The following FLT1 variants were observed in gnomAD, a reference collection of about 807,000 sequenced individuals.
The protein encoded by FLT1 is fms related receptor tyrosine kinase 1, also known as vascular endothelial growth factor receptor 1.
In FLT1, 49 loss-of-function variants were observed where a neutral mutation model predicts 156.3. The observed-to-expected ratio is 0.31, with a 90% CI of 0.25 to 0.40. The LOEUF is 0.40. Among genes scored for constraint, FLT1 ranks in the 10% least tolerant of loss-of-function variants. The pLI, the probability that FLT1 is intolerant of heterozygous loss-of-function variation, is 1.00. For missense variants in FLT1, 1,322 were observed against 1,637.2 expected (o/e 0.81, Z 3.32); for synonymous variants, 594 against 583.8 (o/e 1.02, Z -0.25).
At chr13:28,380,944 T>C (rs1924453) in intron 14 of FLT1, among the ~76,000 whole-genome samples, 11,271 of 151,990 alleles carry the variant, frequency 0.074, 455 homozygotes, top group South Asian at 0.13. Context: ...GCTCCGAGAG[T>C]AAGGAATAAT....
intron 14 of FLT1, among the ~76,000 whole-genome samples, chr13:28,373,885 T>C (rs2137433000): frequency 6.6e-6 from 1 of 152,308 alleles, no homozygotes; most frequent in Non-Finnish European, 1.5e-5. Flanking sequence ...CTCTTCTCTT[T>C]GTTTTTCTTC....
intron 12 of FLT1, among the ~76,000 whole-genome samples, chr13:28,391,281 G>A (rs1024830676): frequency 6.6e-6 from 1 of 152,150 alleles, no homozygotes; most frequent in Non-Finnish European, 1.5e-5. Flanking sequence ...AAGAAAATAA[G>A]TCTTGGGACC....
intron 3 of FLT1, among the ~76,000 whole-genome samples, chr13:28,442,979 G>T (rs1389740720): frequency 6.6e-6 from 1 of 152,172 alleles, no homozygotes; most frequent in Non-Finnish European, 1.5e-5. Flanking sequence ...AGCCAGCACT[G>T]CAGAGTGATT....
intron 15 of FLT1, among the ~76,000 whole-genome samples, chr13:28,354,097 A>T (rs1382792618): frequency 6.6e-6 from 1 of 152,178 alleles, no homozygotes; most frequent in Non-Finnish European, 1.5e-5. Context: ...TAAAGTCTAA[A>T]TCTAGGGAAT....
intron 15 of FLT1, among the ~76,000 whole-genome samples, chr13:28,349,636 C>T (rs369878175): frequency 4.6e-5 from 7 of 152,294 alleles, no homozygotes; most frequent in African/African-American, 1.7e-4. Context: ...AGATGCTTCC[C>T]GCATGGAATG....
At chr13:28,337,419 G>A (rs1469267259) in intron 17 of FLT1, among the ~76,000 whole-genome samples, 2 of 152,166 alleles carry the variant, frequency 1.3e-5, no homozygotes, top group Non-Finnish European at 2.9e-5. Context: ...ATTTTCAGTT[G>A]CTAGACATTA....
intron 10 of FLT1, among the ~76,000 whole-genome samples, chr13:28,409,192 A>C (rs1249533399): frequency 6.6e-6 from 1 of 151,972 alleles, no homozygotes; most frequent in Non-Finnish European, 1.5e-5. Context: ...ACTGACCTAC[A>C]TGCTTTGGGT....
chr13:28,488,060 T>C (rs549226837), intron 1 of FLT1, among the ~76,000 whole-genome samples: 1 of 151,778 alleles, frequency 6.6e-6, no homozygotes, highest in Admixed American at 6.6e-5. Context: ...CCAGGTCTAG[T>C]CCCTTAGTCA....
chr13:28,356,423 GA>G (rs1219113540), intron 15 of FLT1, among the ~76,000 whole-genome samples: 1 of 152,196 alleles, frequency 6.6e-6, no homozygotes, highest in East Asian at 1.9e-4. Context: ...GCAGAAAAGT[GA>G]ACATAATATT....
intron 6 of FLT1, among the ~76,000 whole-genome samples, chr13:28,431,548 A>G (rs1427942327): frequency 1.3e-5 from 2 of 152,196 alleles, no homozygotes; most frequent in African/African-American, 4.8e-5. Context: ...ACACTTTCAC[A>G]TATACTATCT....
rs539377793 is a variant in FLT1, at chr13:28,348,584, T to C, written c.2249-3033A>G. On this transcript the variant is annotated intron_variant, in intron 15 of 29. Transcript: ENST00000282397. Reference sequence around the variant, plus strand: ...ATGAATGTATATATATGTTTTGCTTTACCTACCTCTAAAGAGTTTCATGAG... The same window carrying C: ...ATGAATGTATATATATGTTTTGCTTCACCTACCTCTAAAGAGTTTCATGAG... 1.4e-3 allele frequency among the ~76,000 whole-genome samples: 214 copies of C among 152,072 alleles called. 1 individual carries two copies. Among genetic ancestry groups the C allele is most frequent in the African/African-American group, 4.9e-3 (204 of 41,370 alleles).
intron 3 of FLT1, among the ~76,000 whole-genome samples, chr13:28,456,582 G>A (rs1203463352): frequency 6.6e-6 from 1 of 152,082 alleles, no homozygotes; most frequent in Admixed American, 6.5e-5. Context: ...TGGATCACGA[G>A]GTCAGGAGCT....
chr13:28,373,581 A>G (rs1217332292), intron 14 of FLT1, among the ~76,000 whole-genome samples: 2 of 152,210 alleles, frequency 1.3e-5, no homozygotes, highest in East Asian at 3.8e-4. Context: ...TGCAGATTCT[A>G]GACATGTAAA....
rs564508467 is a variant in FLT1, at chr13:28,458,945, CA to C, written c.388+7957del. The stretch of plus-strand genomic sequence containing the variant: ...CCAAGAAAAAAACTGCGATTGCAAA[CA>C]ACATCATCAGTGTGTATTTTAAACC... On this transcript the variant is annotated intron_variant, in intron 3 of 29. Coordinates refer to ENST00000282397, the MANE Select transcript of FLT1 (RefSeq NM_002019.4). Among the ~76,000 whole-genome samples the C allele has an allele frequency of 3.0e-3, 458 of 152,312 alleles. 1 individual carries two copies. The highest frequency in any genetic ancestry group is 0.011 in the African/African-American group (442 of 41,584).
Position 28,427,328 on chromosome 13 carries a change from A to T in FLT1, c.1277-10T>A. 6.2e-7 allele frequency: 1 copy of T among 1,613,836 alleles called. No homozygotes were observed. The highest frequency in any genetic ancestry group is 8.5e-7 in the Non-Finnish European group (1 of 1,179,810). On this transcript the variant is annotated splice_polypyrimidine_tract_variant and intron_variant, in intron 9 of 29. Coordinates refer to ENST00000282397, the MANE Select transcript of FLT1 (RefSeq NM_002019.4). Reference sequence around the variant, plus strand: ...TAAATCTGGGGTTTCACTGGAAAGGAGATGAAGAACGGGACAGAAGTCAAG... The same window carrying T: ...TAAATCTGGGGTTTCACTGGAAAGGTGATGAAGAACGGGACAGAAGTCAAG...
At position 28,471,788 on chromosome 13, in the gene FLT1, T is replaced by C. The variant is rs559129688; in HGVS notation, c.65-4171A>G. Among the ~76,000 whole-genome samples, 119 of 152,358 alleles carry C rather than the reference T, an allele frequency of 7.8e-4. 1 individual carries two copies. The highest frequency in any genetic ancestry group is 2.7e-3 in the African/African-American group (112 of 41,592). ...AAAAGAATGATTTTTGTCCTCCCAA[T>C]AAATGATCTTGTCCCTTCTGTGAAC... On this transcript the variant is annotated intron_variant, in intron 1 of 29. Transcript: ENST00000282397.
At chr13:28,331,964 G>A (rs757131697) in intron 18 of FLT1, among the ~76,000 whole-genome samples, 10 of 152,138 alleles carry the variant, frequency 6.6e-5, no homozygotes, top group Non-Finnish European at 1.5e-4. Context: ...AGTGGCTCAC[G>A]CCTGTAATCC....
At chr13:28,357,818 G>T (rs560245920) in intron 14 of FLT1, 133 bp from the exon 15 acceptor site, 2 of 783,246 alleles carry the variant, frequency 2.6e-6, no homozygotes, top group East Asian at 5.2e-5. Context: ...CCTGGGGCAG[G>T]GTTGCTTATT....
chr13:28,384,867 GAA>G lies in FLT1; in HGVS notation c.2116+16_2116+17del. 4 of 1,611,224 alleles carry G rather than the reference GAA, an allele frequency of 2.5e-6. No individual in the cohort carries two copies. Among genetic ancestry groups the G allele is most frequent in the Non-Finnish European group, 2.5e-6 (3 of 1,177,766 alleles). ...GAAAGATGAGAAATAATAAATGGAA[GAA>G]AAAAAAGTCTCTTACCAGGCTCTTG... is the stretch of plus-strand genomic sequence containing the variant. On this transcript the variant is annotated intron_variant, in intron 14 of 29. Coordinates refer to ENST00000282397, the MANE Select transcript of FLT1 (RefSeq NM_002019.4).
Sources: allele counts gnomAD v4.1 joint callset (sites outside exome capture counted in the v4.1 genomes callset), GRCh38; gene constraint gnomAD v4.1.1; transcripts MANE v1.5; gene names NCBI Gene and HGNC (gene_info 2026-07-23, HGNC 2026-07-21).